TTLL11: variants seen among roughly 807,000 people sequenced by gnomAD.
TTLL11 encodes the protein tubulin polyglutamylase TTLL11.
TTLL11 carries 42 observed loss-of-function variants against 51.7 expected under a neutral mutation model. That is an observed-to-expected ratio of 0.81 (90% confidence interval 0.64 to 1.05). TTLL11 has a LOEUF of 1.05. TTLL11 is among the 50% of genes least tolerant of loss of function. The pLI is 0.00. For synonymous variants in TTLL11, 381 were observed against 383.5 expected, an observed-to-expected ratio of 0.99 and a Z score of 0.08; for missense variants, 799 against 940.4, an observed-to-expected ratio of 0.85 and a Z score of 1.97.
At chr9:122,070,928 G>A (rs1845709796) in intron 1 of TTLL11, among the ~76,000 whole-genome samples, 1 of 152,120 alleles carries the variant, frequency 6.6e-6, no homozygotes, top group Non-Finnish European at 1.5e-5. Context: ...CTCCATAGGA[G>A]GGCAGCATGG....
intron 4 of TTLL11, among the ~76,000 whole-genome samples, chr9:121,976,004 T>C (rs1842700647): frequency 6.6e-6 from 1 of 152,160 alleles, no homozygotes; most frequent in Non-Finnish European, 1.5e-5. Context: ...GGCCAATGGA[T>C]TTCCCAGAAA....
chr9:121,833,659 C>T (rs904728098), intron 8 of TTLL11, among the ~76,000 whole-genome samples: 22 of 151,924 alleles, frequency 1.4e-4, no homozygotes, highest in African/African-American at 5.1e-4. Context: ...TCTAGGTGGG[C>T]GAGGCAGCAT....
intron 2 of TTLL11, 121 bp from the exon 3 acceptor site, chr9:122,031,977 A>T (rs1308613135): frequency 1.5e-6 from 2 of 1,375,710 alleles, no homozygotes; most frequent in African/African-American, 2.9e-5. Flanking sequence ...CAGGATTTTT[A>T]AAAAAGGTCT....
At chr9:122,065,719 G>A (rs1845565979) in intron 1 of TTLL11, among the ~76,000 whole-genome samples, 1 of 152,160 alleles carries the variant, frequency 6.6e-6, no homozygotes, top group Admixed American at 6.5e-5. Context: ...TGCACATGGG[G>A]CTAATGATTA....
chr9:121,920,891 G>A (rs1840513858), intron 6 of TTLL11, among the ~76,000 whole-genome samples: 1 of 152,224 alleles, frequency 6.6e-6, no homozygotes, highest in South Asian at 2.1e-4. Flanking sequence ...GAGGGCCTAG[G>A]ACCGCTTTGC....
chr9:121,918,086 G>A (rs1840405322), intron 6 of TTLL11, among the ~76,000 whole-genome samples: 1 of 152,098 alleles, frequency 6.6e-6, no homozygotes, highest in East Asian at 1.9e-4. Context: ...TTCAGCCTGT[G>A]GTCACTTTAC....
intron 5 of TTLL11, 28 bp from the exon 6 acceptor site, chr9:121,974,152 A>G: frequency 6.6e-7 from 1 of 1,514,248 alleles, no homozygotes; most frequent in Non-Finnish European, 9.0e-7. Context: ...TCTGTGTCAC[A>G]GTGGAGACCG....
intron 8 of TTLL11, among the ~76,000 whole-genome samples, chr9:121,855,627 A>G (rs1837791474): frequency 6.6e-6 from 1 of 152,176 alleles, no homozygotes; most frequent in South Asian, 2.1e-4. Context: ...GTGATGATCC[A>G]GTCCAAATGG....
intron 6 of TTLL11, among the ~76,000 whole-genome samples, chr9:121,895,150 A>T (rs551633094): frequency 6.6e-6 from 1 of 152,278 alleles, no homozygotes; most frequent in African/African-American, 2.4e-5. Context: ...GAGCTTCCAC[A>T]CTTCACTCCC....
At chr9:121,824,279 A>G (rs888188651) in intron 8 of TTLL11, among the ~76,000 whole-genome samples, 3 of 152,076 alleles carry the variant, frequency 2.0e-5, no homozygotes, top group East Asian at 1.9e-4. Flanking sequence ...GATGGAGACC[A>G]TCCTGGCCAA....
intron 3 of TTLL11, among the ~76,000 whole-genome samples, chr9:122,002,560 T>C (rs1843501950): frequency 6.6e-6 from 1 of 152,178 alleles, no homozygotes. Flanking sequence ...CATCTCAGCA[T>C]GACAAAGCTC....
At position 122,093,088 on chromosome 9, in the gene TTLL11, C is replaced by T. The variant is rs1846313330; in HGVS notation, c.61G>A (p.Ala21Thr). ...AARWEAEAVA[A>T]AKAAAKAEAE... The stretch of plus-strand genomic sequence containing the variant: ...TCAGCTTTGGCCGCCGCTTTGGCCG[C>T]AGCCACCGCCTCCGCCTCCCACCGG... The change falls in exon 1 of 9, where the codon GCG becomes ACG. Residue 21 changes from alanine (A) to threonine (T), a missense_variant. Ala to Thr is a moderately conservative substitution (Grantham distance 58). This residue lies in a region of TTLL11 where 166 missense variants were observed against 161.6 expected (regional missense o/e 1.03). Coordinates refer to ENST00000321582, the MANE Select transcript of TTLL11 (RefSeq NM_001139442.2). 1 of 1,503,868 alleles carries T rather than the reference C, an allele frequency of 6.6e-7. No homozygotes were observed. Among genetic ancestry groups the T allele is most frequent in the Non-Finnish European group, 8.8e-7 (1 of 1,133,630 alleles). 93.2% of individuals were successfully genotyped at this position (1,503,868 alleles called of 1,614,324 possible). A position where few individuals can be genotyped will look rare whatever the true frequency, so the allele number is the denominator to read the frequency against.
chr9:122,005,768 C>T (rs538127365), intron 3 of TTLL11, among the ~76,000 whole-genome samples: 5 of 152,258 alleles, frequency 3.3e-5, no homozygotes, highest in East Asian at 1.9e-4. Context: ...AGGATCCATC[C>T]GTGTAACTCA....
chr9:122,084,661 A>C (rs1196728820), intron 1 of TTLL11, among the ~76,000 whole-genome samples: 1 of 152,212 alleles, frequency 6.6e-6, no homozygotes, highest in Non-Finnish European at 1.5e-5. Flanking sequence ...GATTCACCAG[A>C]GGGAAAGTCA....
chr9:122,036,895 G>C (rs541940732), intron 2 of TTLL11, among the ~76,000 whole-genome samples: 1 of 152,266 alleles, frequency 6.6e-6, no homozygotes, highest in East Asian at 1.9e-4. Flanking sequence ...AGAGGTTTAA[G>C]AGTCTGCTTT....
chr9:122,025,956 A>C (rs1844320366), intron 3 of TTLL11, among the ~76,000 whole-genome samples: 1 of 152,192 alleles, frequency 6.6e-6, no homozygotes, highest in Non-Finnish European at 1.5e-5. Context: ...ACTCCTTGGC[A>C]ATGAAGTATT....
At chr9:122,038,909 A>C (rs1844770385) in intron 2 of TTLL11, among the ~76,000 whole-genome samples, 1 of 152,190 alleles carries the variant, frequency 6.6e-6, no homozygotes, top group Non-Finnish European at 1.5e-5. Flanking sequence ...AGGGAAGCTG[A>C]TACCCCATTT....
At chr9:122,042,308 C>T (rs185167750) in intron 1 of TTLL11, among the ~76,000 whole-genome samples, 1 of 152,316 alleles carries the variant, frequency 6.6e-6, no homozygotes, top group Admixed American at 6.5e-5. Context: ...GGCTGGAGGT[C>T]TCACATTTCC....
chr9:121,829,753 C>T (rs886416252), intron 8 of TTLL11, among the ~76,000 whole-genome samples: 8 of 149,828 alleles, frequency 5.3e-5, no homozygotes, highest in Admixed American at 1.3e-4. Context: ...AATGCATGCT[C>T]GTTGTTGATA....
Sources: gnomAD v4.1 joint callset for allele counts (sites outside exome capture counted in the v4.1 genomes callset) on GRCh38, gnomAD v4.1.1 for gene constraint, gnomAD v4.1.1 regional missense constraint, MANE v1.5 for transcripts, NCBI Gene and HGNC (gene_info 2026-07-23, HGNC 2026-07-21) for gene names.